Variants in USP42 observed in about 807,000 individuals in gnomAD.
The protein encoded by USP42 is ubiquitin carboxyl-terminal hydrolase 42.
USP42 carries 23 observed loss-of-function variants against 113.0 expected under a neutral mutation model. The observed-to-expected ratio is 0.20, with a 90% CI of 0.15 to 0.29. The LOEUF is 0.29. Ranked by LOEUF, USP42 falls within the 10% of genes least tolerant of loss-of-function variation. The pLI is 1.00. For missense variants in USP42, 2,174 were observed against 1,779.8 expected (o/e 1.22, Z -3.99); for synonymous variants, 933 against 699.0 (o/e 1.33, Z -5.28).
chr7:6,112,900 CTTTTTTTTTTT>C (rs34002709), intron 2 of USP42, among the ~76,000 whole-genome samples: 1 of 102,768 alleles, frequency 9.7e-6, no homozygotes, highest in Non-Finnish European at 1.9e-5. Context: ...TAGTAAGTTT[CTTTTTTTTTTT>C]TTTTTTTTTT....
chr7:6,135,521 G>C (rs907407605), intron 3 of USP42, among the ~76,000 whole-genome samples: 1 of 151,484 alleles, frequency 6.6e-6, no homozygotes, highest in Non-Finnish European at 1.5e-5. Context: ...GCATGGTGGC[G>C]CATGTAGTAG....
At chr7:6,148,031 A>AC in intron 12 of USP42, 139 bp downstream of exon 12, 1 of 955,360 alleles carries the variant, frequency 1.0e-6, no homozygotes. Flanking sequence ...ACCCTCTTAC[A>AC]CAGTATTTCA....
Position 6,115,339 on chromosome 7 carries a change from C to T in USP42, c.258C>T (p.Ile86=), listed in dbSNP as rs749679130. ...PQKDQALGDG[I]APPQKVLFPS... ...TTTTTCTAGCCCTAGGTGATGGCAT[C>T]GCTCCTCCACAGAAAGTTCTTTTCC... The change falls in exon 3 of 18, where the codon ATC becomes ATT. Residue 86 remains isoleucine, a synonymous_variant. Transcript: ENST00000306177. 9.9e-6 allele frequency: 16 copies of T among 1,613,814 alleles called. No homozygotes were observed. The highest frequency in any genetic ancestry group is 6.7e-5 in the East Asian group (3 of 44,902).
At chr7:6,145,461 A>T in intron 9 of USP42, 55 bp from the exon 10 acceptor site, 1 of 1,608,656 alleles carries the variant, frequency 6.2e-7, no homozygotes, top group South Asian at 1.1e-5. Context: ...CTACCTGAAT[A>T]TGTGGAATGA....
At chr7:6,087,724 G>A in the USP42 span, among the ~76,000 whole-genome samples, 1 of 151,082 alleles carries the variant, frequency 6.6e-6, no homozygotes, top group African/African-American at 2.5e-5. Context: ...TTTGAGATAA[G>A]CTATACCCTC....
At position 6,161,455 on chromosome 7, in the gene USP42, A is replaced by AGAT. The variant is rs1338159744; in HGVS notation, c.*939_*941dup. The AGAT allele has an allele frequency of 6.6e-6, 1 of 152,612 alleles. No homozygotes were observed. Among genetic ancestry groups the AGAT allele is most frequent in the Non-Finnish European group, 1.5e-5 (1 of 68,032 alleles). The allele number at this position is 152,612 out of a possible 1,614,324, so 9.5% of individuals were successfully genotyped here. A position where few individuals can be genotyped will look rare whatever the true frequency, so the allele number is the denominator to read the frequency against. On this transcript the variant is annotated 3_prime_UTR_variant, in exon 18 of 18. Transcript: ENST00000306177. ...GGTTTATACAGTTTGTGTTGTTCAG[A>AGAT]GATGTTTAAAGTTTGATCTTTGTTT... is the stretch of plus-strand genomic sequence containing the variant.
At position 6,159,435 on chromosome 7, in the gene USP42, A is replaced by T. The variant is rs750960301; in HGVS notation, c.3944-15A>T. 6.6e-5 allele frequency: 107 copies of T among 1,613,716 alleles called. No individual in the cohort carries two copies. Among genetic ancestry groups the T allele is most frequent in the Non-Finnish European group, 8.6e-5 (101 of 1,179,844 alleles). Reference sequence around the variant, plus strand: ...AACCATCATTAAAATCTCTTTCCTGACCTTTGCTTTCTAGGTGATTGAAAA... The same window carrying T: ...AACCATCATTAAAATCTCTTTCCTGTCCTTTGCTTTCTAGGTGATTGAAAA... On this transcript the variant is annotated splice_polypyrimidine_tract_variant and intron_variant, in intron 16 of 17. Transcript: ENST00000306177. The surrounding 1 kb of genome is among the most constrained non-coding windows in gnomAD (Gnocchi z 4.1).
At chr7:6,097,105 C>T in the USP42 span, among the ~76,000 whole-genome samples, 1 of 150,752 alleles carries the variant, frequency 6.6e-6, no homozygotes, top group Non-Finnish European at 1.5e-5. Context: ...GGGCTGCTAT[C>T]ATCCTCTTTG....
At position 6,159,656 on chromosome 7, in the gene USP42, C is replaced by T. The variant is rs1321811771; in HGVS notation, c.*36+163C>T. On this transcript the variant is annotated intron_variant, in intron 17 of 17. Transcript: ENST00000306177. This position sits in a 1 kb window ranked among gnomAD's most constrained non-coding sequence, Gnocchi z 4.1. ...GTTCCCAGCCAGCCCAGACCCAGGC[C>T]ACGCGCTTGGGGACAGACCTAGACC... is the stretch of plus-strand genomic sequence containing the variant. Among the ~76,000 whole-genome samples, 1 of 152,168 alleles carries T rather than the reference C, an allele frequency of 6.6e-6. No homozygotes were observed. The highest frequency in any genetic ancestry group is 2.4e-5 in the African/African-American group (1 of 41,442).
chr7:6,142,733 A>G (rs752088016), intron 7 of USP42, among the ~76,000 whole-genome samples, 199 bp from the exon 8 acceptor site: 2 of 151,786 alleles, frequency 1.3e-5, no homozygotes, highest in Non-Finnish European at 2.9e-5. Context: ...AAAAAATGAA[A>G]AATTTAGCTG....
chr7:6,149,925 A>G lies in USP42; in HGVS notation c.1729A>G (p.Lys577Glu). 1.9e-6 allele frequency: 3 copies of G among 1,614,044 alleles called. No individual in the cohort carries two copies. Among genetic ancestry groups the G allele is most frequent in the Non-Finnish European group, 2.5e-6 (3 of 1,179,906 alleles). The stretch of plus-strand genomic sequence containing the variant: ...CGCATCTACGATGTCAGTTTCTAGT[A>G]AAGTAACAAAACCGATCCCCCGCAG... ...SNASTMSVSS[K>E]VTKPIPRSES... The change falls in exon 13 of 18, where the codon AAA becomes GAA. Residue 577 changes from lysine to glutamate, a missense_variant. Physicochemically the swap from Lys to Glu is moderately conservative, Grantham distance 56. Transcript: ENST00000306177.
chr7:6,126,872 C>T (rs906246049), intron 3 of USP42, among the ~76,000 whole-genome samples: 3 of 152,188 alleles, frequency 2.0e-5, no homozygotes, highest in African/African-American at 7.2e-5. Context: ...CTTCATTTCT[C>T]TGGGATAAAT....
chr7:6,083,803 C>G, the USP42 span, among the ~76,000 whole-genome samples: 1 of 150,446 alleles, frequency 6.6e-6, no homozygotes, highest in South Asian at 2.1e-4. Context: ...TCTTTTTTTC[C>G]CCTTCCTTAC....
chr7:6,154,356 C>G lies in USP42; in HGVS notation c.2802C>G (p.Gly934=). Residue 934 remains glycine (G), a synonymous_variant, in exon 15 of 18, where the codon GGC becomes GGG. Coordinates refer to ENST00000306177, the MANE Select transcript of USP42 (RefSeq NM_032172.3). ...VEDAAAPKAP[G]PSPAKEKIGS... is the part of the protein sequence containing the mutation. ...ACGCCGCGGCGCCGAAAGCCCCAGG[C>G]CCTTCCCCAGCGAAGGAGAAAATCG... 1 of 1,574,200 alleles carries G rather than the reference C, an allele frequency of 6.4e-7. No individual in the cohort carries two copies. Among genetic ancestry groups the G allele is most frequent in the South Asian group, 1.2e-5 (1 of 86,128 alleles).
At chr7:6,136,662 C>G (rs984188938) in intron 4 of USP42, among the ~76,000 whole-genome samples, 4 of 152,160 alleles carry the variant, frequency 2.6e-5, no homozygotes, top group African/African-American at 9.7e-5. Context: ...TGAATGAATA[C>G]TTTACTATAC....
the USP42 span, among the ~76,000 whole-genome samples, chr7:6,091,714 CAT>C: frequency 5.4e-5 from 8 of 148,802 alleles, no homozygotes; most frequent in African/African-American, 2.0e-4. Context: ...CACACACACA[CAT>C]ATATATGTTG....
At chr7:6,100,004 C>CTATTTTTTTTATTATTATTAT (rs141280623), upstream of USP42, among the ~76,000 whole-genome samples, 4 of 144,290 alleles carry the variant, frequency 2.8e-5, no homozygotes, top group Admixed American at 6.9e-5. Flanking sequence ...TTTCACAAGT[C>CTATTTTTTTTATTATTATTAT]TATTATTATT....
intron 3 of USP42, among the ~76,000 whole-genome samples, chr7:6,125,241 C>T (rs1010548836): frequency 4.7e-5 from 7 of 149,508 alleles, no homozygotes; most frequent in Admixed American, 1.3e-4. Context: ...GTAATCCCAG[C>T]ACTTTGAGAG....
In USP42 at chr7:6,159,067, G is replaced by A. The variant is rs1315491855; in HGVS notation, c.3944-383G>A. On this transcript the variant is annotated intron_variant, in intron 16 of 17. Transcript: ENST00000306177. The surrounding 1 kb of genome is among the most constrained non-coding windows in gnomAD (Gnocchi z 4.1). The stretch of plus-strand genomic sequence containing the variant: ...TGTCCTTCTGAGAAGGCCGCTGCCC[G>A]GCCCCGCCTCACCCAGCGTCCTGTG... Among the ~76,000 whole-genome samples the A allele has an allele frequency of 6.6e-6, 1 of 152,168 alleles. No individual in the cohort carries two copies. The highest frequency in any genetic ancestry group is 1.5e-5 in the Non-Finnish European group (1 of 68,034).
Sources: allele counts gnomAD v4.1 joint callset (sites outside exome capture counted in the v4.1 genomes callset), GRCh38; gene constraint gnomAD v4.1.1; non-coding constraint Gnocchi (gnomAD v3.1); transcripts MANE v1.5; gene names NCBI Gene and HGNC (gene_info 2026-07-23, HGNC 2026-07-21).